The following SP3 variants were observed in gnomAD, a reference collection of about 807,000 sequenced individuals.
SP3 encodes transcription factor Sp3.
A neutral mutation model predicts 70.3 loss-of-function variants in SP3; 10 were observed. The ratio of observed to expected loss-of-function variants is 0.14; its 90% CI spans 0.09 to 0.24. SP3 has a LOEUF of 0.24. SP3 is among the 10% of genes least tolerant of loss of function. The pLI is 1.00. For synonymous variants in SP3, 402 were observed against 333.5 expected (o/e 1.21, Z -2.24); for missense variants, 825 against 914.6 (o/e 0.90, Z 1.26).
In SP3 at chr2:173,922,055, T is replaced by TAACA. The variant is rs1689770042; in HGVS notation, c.1640-3271_1640-3270insTGTT. ...GTACAGCCTGCAGAACTGAGTCAAT[T>TAACA]AAACCTCTTACAAATTACCCAGTCC... is the stretch of plus-strand genomic sequence containing the variant. On this transcript the variant is annotated intron_variant, in intron 4 of 6. Transcript: ENST00000310015. Among the ~76,000 whole-genome samples the TAACA allele has an allele frequency of 2.0e-5, 3 of 152,112 alleles. No homozygotes were observed. The South Asian group carries it at 6.2e-4, about 32-fold the overall frequency.
intron 4 of SP3, among the ~76,000 whole-genome samples, chr2:173,919,213 C>G (rs1042602069): frequency 6.6e-6 from 1 of 152,116 alleles, no homozygotes; most frequent in African/African-American, 2.4e-5. Context: ...TAAGTCAGTT[C>G]ATATAGATGA....
chr2:173,965,493 T>A, upstream of SP3: 1 of 310,844 alleles, frequency 3.2e-6, no homozygotes, highest in Admixed American at 5.2e-5. Flanking sequence ...GCTTCCTGTT[T>A]GCCCCCGGGT....
At position 173,910,113 on chromosome 2, in the gene SP3, T is replaced by C; in HGVS notation, c.2174A>G (p.Asp725Gly). Residue 725 changes from aspartate to glycine, a missense_variant, in exon 7 of 7, where the codon GAT (aspartate) becomes GGT (glycine). This residue lies in a region of SP3 where 91 missense variants were observed against 97.4 expected (regional missense o/e 0.93). Coordinates refer to ENST00000310015, the MANE Select transcript of SP3 (RefSeq NM_003111.5). ...TGTTCCTCCTGCAGTAATCAAAGTA[T>C]CATCTCGCGCAGCTTCCACAGATGC... ...VLASVEAARD[D>G]TLITAGGTTL... The C allele has an allele frequency of 1.9e-6, 3 of 1,612,230 alleles. No homozygotes were observed. Among genetic ancestry groups the C allele is most frequent in the Non-Finnish European group, 2.5e-6 (3 of 1,178,584 alleles).
chr2:173,955,510 G>C lies in SP3; in HGVS notation c.1002C>G (p.Ser334=). 6.2e-7 allele frequency: 1 copy of C among 1,614,090 alleles called. No individual in the cohort carries two copies. The highest frequency in any genetic ancestry group is 1.1e-5 in the South Asian group (1 of 91,082). Residue 334 remains serine, a synonymous_variant, in exon 4 of 7, where the codon TCC becomes TCG. Coordinates refer to ENST00000310015, the MANE Select transcript of SP3 (RefSeq NM_003111.5). ...TCGTAACAGGCAACTGTGATGAAGAGGATGTTGGCACAAATAAATCTGTAT... is the reference window on the plus strand; with the variant it reads ...TCGTAACAGGCAACTGTGATGAAGACGATGTTGGCACAAATAAATCTGTAT... ...NTDTDLFVPT[S]SSSQLPVTID... is the part of the protein sequence containing the mutation.
Position 173,960,932 on chromosome 2 carries a change from C to T in SP3, c.279+2829G>A, listed in dbSNP as rs764176812. Among the ~76,000 whole-genome samples, 34 of 152,002 alleles carry T rather than the reference C, an allele frequency of 2.2e-4. 1 individual carries two copies. The highest frequency in any genetic ancestry group is 4.6e-4 in the Admixed American group (7 of 15,264). The stretch of plus-strand genomic sequence containing the variant: ...CAGAGCCTGCAGTGAGCCGAGATCG[C>T]GCCACTGCACTCCAGTCTGGGCGAC... On this transcript the variant is annotated intron_variant, in intron 3 of 6. Transcript: ENST00000310015.
chr2:173,909,886 ATTC>A lies in SP3; in HGVS notation c.*52_*54del, dbSNP rs1689428719. ...AGATATCTAAGAACTTAGGAACAATATTCTTCTCACTACTGTATAAAAATAACC... is the reference window on the plus strand; with the variant it reads ...AGATATCTAAGAACTTAGGAACAATATTCTCACTACTGTATAAAAATAACC... On this transcript the variant is annotated 3_prime_UTR_variant, in exon 7 of 7. Transcript: ENST00000310015. 6.5e-7 allele frequency: 1 copy of A among 1,539,552 alleles called. No individual in the cohort carries two copies. Among genetic ancestry groups the A allele is most frequent in the Non-Finnish European group, 8.8e-7 (1 of 1,130,350 alleles).
At chr2:173,945,179 A>G (rs906658597) in intron 4 of SP3, among the ~76,000 whole-genome samples, 1 of 152,208 alleles carries the variant, frequency 6.6e-6, no homozygotes, top group African/African-American at 2.4e-5. Flanking sequence ...GAATACTAAG[A>G]AACCAAAGTG....
intron 4 of SP3, among the ~76,000 whole-genome samples, chr2:173,936,453 T>C (rs1574411735): frequency 6.6e-6 from 1 of 152,212 alleles, no homozygotes; most frequent in East Asian, 1.9e-4. Flanking sequence ...AGGTTAAAAA[T>C]AGTGCAACCC....
chr2:173,934,005 GA>G (rs1457382548), intron 4 of SP3, among the ~76,000 whole-genome samples: 1 of 152,050 alleles, frequency 6.6e-6, no homozygotes, highest in Non-Finnish European at 1.5e-5. Context: ...GCAGAGGTGG[GA>G]GGATAGCTTG....
intron 4 of SP3, among the ~76,000 whole-genome samples, chr2:173,920,535 G>A (rs566211043): frequency 3.3e-5 from 5 of 152,102 alleles, no homozygotes; most frequent in African/African-American, 1.2e-4. Context: ...CAGGGGCGGG[G>A]GGTAAGGTAT....
intron 3 of SP3, among the ~76,000 whole-genome samples, chr2:173,957,041 GACAT>G (rs1690917874): frequency 6.6e-6 from 1 of 152,054 alleles, no homozygotes; most frequent in African/African-American, 2.4e-5. Context: ...AATCAGTTGA[GACAT>G]ACACAGTTCT....
intron 4 of SP3, among the ~76,000 whole-genome samples, chr2:173,920,168 A>G (rs1055472540): frequency 2.0e-5 from 3 of 152,128 alleles, no homozygotes; most frequent in Non-Finnish European, 4.4e-5. Flanking sequence ...TTTCATTTAT[A>G]TAAGATTCAT....
At chr2:173,912,504 C>T (rs1212785501) in intron 6 of SP3, among the ~76,000 whole-genome samples, 2 of 152,212 alleles carry the variant, frequency 1.3e-5, no homozygotes, top group African/African-American at 2.4e-5. Flanking sequence ...TAAGTTAACA[C>T]TGTTAGGTTT....
At chr2:173,922,384 G>C (rs182561615) in intron 4 of SP3, among the ~76,000 whole-genome samples, 2 of 151,780 alleles carry the variant, frequency 1.3e-5, no homozygotes, top group Non-Finnish European at 2.9e-5. Flanking sequence ...GCAGGGGAGG[G>C]GTGCCAGTCA....
chr2:173,963,719 G>A (rs1691163379), intron 3 of SP3, 42 bp downstream of exon 3: 1 of 822,580 alleles, frequency 1.2e-6, no homozygotes, highest in African/African-American at 1.9e-5. Flanking sequence ...CGGGATGGCG[G>A]GCGCCCGGCC....
chr2:173,919,455 C>CT (rs1689690258), intron 4 of SP3, among the ~76,000 whole-genome samples: 1 of 152,136 alleles, frequency 6.6e-6, no homozygotes, highest in Non-Finnish European at 1.5e-5. Flanking sequence ...TCCTTGGTAT[C>CT]TCAGTATAGA....
At chr2:173,919,314 G>A (rs1689686897) in intron 4 of SP3, among the ~76,000 whole-genome samples, 1 of 152,068 alleles carries the variant, frequency 6.6e-6, no homozygotes, top group South Asian at 2.1e-4. Flanking sequence ...ATACACATCT[G>A]GGTATACTTT....
chr2:173,919,509 A>G (rs190600892), intron 4 of SP3, among the ~76,000 whole-genome samples: 2 of 152,298 alleles, frequency 1.3e-5, no homozygotes, highest in East Asian at 3.9e-4. Context: ...TTAGTGTCCT[A>G]CATGGTGGCT....
chr2:173,928,349 T>C (rs920936816), intron 4 of SP3, among the ~76,000 whole-genome samples: 32 of 152,286 alleles, frequency 2.1e-4, no homozygotes, highest in African/African-American at 7.2e-4. Context: ...ATTAGTTTTA[T>C]ACACTGGAGT....
Sources: gnomAD v4.1 joint callset for allele counts (sites outside exome capture counted in the v4.1 genomes callset) on GRCh38, gnomAD v4.1.1 for gene constraint, gnomAD v4.1.1 regional missense constraint, MANE v1.5 for transcripts, NCBI Gene and HGNC (gene_info 2026-07-23, HGNC 2026-07-21) for gene names.